The following PIK3C2G variants were observed in gnomAD, a reference collection of about 807,000 sequenced individuals.
PIK3C2G encodes the protein phosphatidylinositol-4-phosphate 3-kinase catalytic subunit type 2 gamma.
A neutral mutation model predicts 181.1 loss-of-function variants in PIK3C2G; 168 were observed. That is an observed-to-expected ratio of 0.93 (90% confidence interval 0.82 to 1.05). PIK3C2G has a LOEUF of 1.05. PIK3C2G is among the 50% of genes least tolerant of loss of function. The pLI, the probability that PIK3C2G is intolerant of heterozygous loss-of-function variation, is 0.00. For synonymous variants in PIK3C2G, 573 were observed against 592.2 expected (o/e 0.97, Z 0.47); for missense variants, 1,869 against 1,732.8 (o/e 1.08, Z -1.40).
intron 29 of PIK3C2G, among the ~76,000 whole-genome samples, chr12:18,586,015 A>C (rs1946754315): frequency 6.6e-6 from 1 of 152,196 alleles, no homozygotes; most frequent in Non-Finnish European, 1.5e-5. Flanking sequence ...ACAAAGTTAC[A>C]ACATACCAAA....
intron 31 of PIK3C2G, among the ~76,000 whole-genome samples, chr12:18,630,334 G>A (rs1050929273): frequency 1.3e-5 from 2 of 152,176 alleles, no homozygotes; most frequent in African/African-American, 4.8e-5. Context: ...GGAGGTTGCA[G>A]TGAGCCGAGA....
chr12:18,439,968 A>T (rs1444962934), intron 18 of PIK3C2G, among the ~76,000 whole-genome samples: 2 of 152,100 alleles, frequency 1.3e-5, no homozygotes, highest in African/African-American at 4.8e-5. Context: ...TTTAATTCAT[A>T]AAGTAGTAGT....
intron 29 of PIK3C2G, among the ~76,000 whole-genome samples, chr12:18,577,905 G>A (rs577938512): frequency 1.8e-4 from 27 of 152,222 alleles, no homozygotes; most frequent in Admixed American, 7.2e-4. Flanking sequence ...GAGGAGCCTC[G>A]GCGTATTAGC....
intron 29 of PIK3C2G, among the ~76,000 whole-genome samples, chr12:18,589,990 G>T (rs1455536857): frequency 1.3e-5 from 2 of 151,800 alleles, no homozygotes; most frequent in Non-Finnish European, 2.9e-5. Flanking sequence ...ATTTTCAGTG[G>T]TTACATAAGT....
At chr12:18,473,900 A>ACTGAGCATGTGGGCT in intron 18 of PIK3C2G, among the ~76,000 whole-genome samples, 1 of 102,636 alleles carries the variant, frequency 9.7e-6, no homozygotes, top group African/African-American at 5.8e-5. Context: ...TTTTTGGCAA[A>ACTGAGCATGTGGGCT]AACAGTATAA....
the PIK3C2G span, chr12:18,719,447 G>C: frequency 3.3e-6 from 5 of 1,523,858 alleles, no homozygotes; most frequent in Non-Finnish European, 4.4e-6. Flanking sequence ...TATCCCCAAA[G>C]GTCACTTGGT....
At chr12:18,701,888 T>G in the PIK3C2G span, 1 of 1,442,448 alleles carries the variant, frequency 6.9e-7, no homozygotes. Context: ...TAATAAGATA[T>G]GTAAGAACTC....
intron 11 of PIK3C2G, among the ~76,000 whole-genome samples, chr12:18,347,855 C>G (rs1939825480): frequency 6.6e-6 from 1 of 151,830 alleles, no homozygotes; most frequent in Admixed American, 6.6e-5. Context: ...TTATCTTGAT[C>G]TGTATTTTTT....
chr12:18,659,311 C>A, the PIK3C2G span, among the ~76,000 whole-genome samples: 1 of 151,998 alleles, frequency 6.6e-6, no homozygotes, highest in Non-Finnish European at 1.5e-5. Context: ...GATGAGAAAA[C>A]AAAAGTAGTC....
At position 18,518,176 on chromosome 12, in the gene PIK3C2G, G is replaced by A. The variant is rs530366509; in HGVS notation, c.3323+12715G>A. ...GGATTTTCGCATTGATGTTCATCAGGGATGTTGGCCTGAAGTTTTCTTTTT... is the reference window on the plus strand; with the variant it reads ...GGATTTTCGCATTGATGTTCATCAGAGATGTTGGCCTGAAGTTTTCTTTTT... On this transcript the variant is annotated intron_variant, in intron 24 of 32. Coordinates refer to ENST00000538779, the MANE Select transcript of PIK3C2G (RefSeq NM_001288772.2). 1.8e-4 allele frequency among the ~76,000 whole-genome samples: 28 copies of A among 152,262 alleles called. No individual in the cohort carries two copies. The South Asian group carries it at 5.8e-3, about 32-fold the overall frequency.
At chr12:18,525,831 A>C (rs967718639) in intron 24 of PIK3C2G, among the ~76,000 whole-genome samples, 18 of 152,198 alleles carry the variant, frequency 1.2e-4, no homozygotes, top group African/African-American at 4.1e-4. Flanking sequence ...CAGCAAAATA[A>C]AAATCAACCT....
intron 10 of PIK3C2G, among the ~76,000 whole-genome samples, chr12:18,344,689 A>C (rs1939496190): frequency 6.6e-6 from 1 of 152,126 alleles, no homozygotes. Flanking sequence ...TTCTATAATA[A>C]ATCATGATAG....
chr12:18,627,890 T>A (rs897134121), intron 31 of PIK3C2G, among the ~76,000 whole-genome samples: 2 of 152,180 alleles, frequency 1.3e-5, no homozygotes, highest in African/African-American at 4.8e-5. Context: ...TTGGAGACAT[T>A]TAAGCTAAAG....
intron 18 of PIK3C2G, among the ~76,000 whole-genome samples, chr12:18,469,778 T>TA (rs34500497): frequency 0.53 from 77,226 of 146,368 alleles, 20,338 homozygotes; most frequent in Middle Eastern, 0.69. Context: ...AGTCTCTCTT[T>TA]AAAAAAAAAA....
intron 26 of PIK3C2G, among the ~76,000 whole-genome samples, chr12:18,557,622 G>A (rs1264844425): frequency 1.3e-5 from 2 of 152,114 alleles, no homozygotes; most frequent in Non-Finnish European, 2.9e-5. Context: ...TAATATTGAA[G>A]TGGAAGTTTC....
At chr12:18,711,910 T>G in the PIK3C2G span, among the ~76,000 whole-genome samples, 7 of 152,144 alleles carry the variant, frequency 4.6e-5, no homozygotes, top group Non-Finnish European at 7.4e-5. Context: ...TATATTAAGA[T>G]AGAAATTGTT....
the PIK3C2G span, among the ~76,000 whole-genome samples, chr12:18,695,469 G>A: frequency 6.6e-6 from 1 of 152,120 alleles, no homozygotes; most frequent in Non-Finnish European, 1.5e-5. Flanking sequence ...ATGAGATGCT[G>A]TTGTCACTTG....
the PIK3C2G span, among the ~76,000 whole-genome samples, chr12:18,685,033 A>G: frequency 6.6e-6 from 1 of 152,046 alleles, no homozygotes; most frequent in Non-Finnish European, 1.5e-5. Context: ...CTGTGAGTCA[A>G]TTAAACCTCT....
intron 13 of PIK3C2G, among the ~76,000 whole-genome samples, chr12:18,374,592 T>C (rs1007529045): frequency 5.3e-5 from 8 of 152,286 alleles, no homozygotes; most frequent in Admixed American, 5.2e-4. Context: ...GCCACCTCCC[T>C]TCCTGCTCTT....
Sources: allele counts gnomAD v4.1 joint callset (sites outside exome capture counted in the v4.1 genomes callset), GRCh38; gene constraint gnomAD v4.1.1; transcripts MANE v1.5; gene names NCBI Gene and HGNC (gene_info 2026-07-23, HGNC 2026-07-21).